Variants in HIVEP3 observed in about 807,000 individuals in gnomAD.
The protein encoded by HIVEP3 is HIVEP zinc finger 3, also known as transcription factor HIVEP3.
A neutral mutation model predicts 152.8 loss-of-function variants in HIVEP3; 49 were observed. The observed-to-expected ratio is 0.32, with a 90% confidence interval of 0.26 to 0.41. The LOEUF is 0.41. Ranked by LOEUF, HIVEP3 falls within the 10% of genes least tolerant of loss-of-function variation. The pLI is 1.00. For missense variants in HIVEP3, 2,790 were observed against 3,103.3 expected, an observed-to-expected ratio of 0.90 and a Z score of 2.40; for synonymous variants, 1,269 against 1,289.0, an observed-to-expected ratio of 0.98 and a Z score of 0.33.
intron 1 of HIVEP3, among the ~76,000 whole-genome samples, chr1:41,930,155 T>C (rs1008544077): frequency 6.6e-6 from 1 of 152,176 alleles, no homozygotes; most frequent in African/African-American, 2.4e-5. Flanking sequence ...ATTGATTTTG[T>C]TCTTAATTTG....
chr1:41,513,798 C>A, intron 7 of HIVEP3, 48 bp from the exon 8 acceptor site: 1 of 1,421,120 alleles, frequency 7.0e-7, no homozygotes, highest in Non-Finnish European at 9.4e-7. Flanking sequence ...GCCTTGGCCC[C>A]ACTGCCCACA....
chr1:41,748,488 G>C (rs765458711), intron 1 of HIVEP3, among the ~76,000 whole-genome samples: 1 of 152,184 alleles, frequency 6.6e-6, no homozygotes, highest in Non-Finnish European at 1.5e-5. Context: ...GCAATCAGGG[G>C]GCAGCGCTGT....
At chr1:41,716,337 C>G (rs6703365) in intron 1 of HIVEP3, among the ~76,000 whole-genome samples, 1 of 152,064 alleles carries the variant, frequency 6.6e-6, no homozygotes. Context: ...GTTTACAAGG[C>G]GTGGCCATGT....
intron 3 of HIVEP3, among the ~76,000 whole-genome samples, chr1:41,619,716 C>G (rs926009927): frequency 6.6e-6 from 1 of 152,100 alleles, no homozygotes; most frequent in Non-Finnish European, 1.5e-5. Flanking sequence ...AGAGCCAGGG[C>G]TCCAGGGAGG....
Position 41,728,874 on chromosome 1 carries a change from T to A in HIVEP3, c.-800-27879A>T, listed in dbSNP as rs897315908. 2.6e-5 allele frequency among the ~76,000 whole-genome samples: 4 copies of A among 151,404 alleles called. No individual in the cohort carries two copies. In the East Asian group the frequency reaches 5.8e-4, roughly 22 times the overall value. On this transcript the variant is annotated intron_variant, in intron 1 of 8. Transcript: ENST00000372583. ...GGCACAGGCTAGGGTCCCAGAGAGG[T>A]TTAGGAGGGGGTTTCTCTGCTGGGT...
chr1:41,919,589 A>G (rs187749425), upstream of HIVEP3, among the ~76,000 whole-genome samples: 24 of 152,334 alleles, frequency 1.6e-4, no homozygotes, highest in Non-Finnish European at 2.4e-4. Context: ...AGTCTTTACG[A>G]TTCAGACTTA....
At chr1:41,861,668 G>A (rs143222486) in intron 1 of HIVEP3, among the ~76,000 whole-genome samples, 13 of 152,332 alleles carry the variant, frequency 8.5e-5, no homozygotes, top group African/African-American at 3.1e-4. Flanking sequence ...TTTGTGCAAG[G>A]GAGGCAGAGA....
chr1:41,875,994 T>G (rs2786481), intron 1 of HIVEP3, among the ~76,000 whole-genome samples: 132,157 of 152,156 alleles, frequency 0.87, 57,717 homozygotes, highest in East Asian at 1. Context: ...GCTACTCTAG[T>G]CACATCTACA....
At chr1:41,739,586 C>G (rs574091074) in intron 1 of HIVEP3, among the ~76,000 whole-genome samples, 1 of 152,278 alleles carries the variant, frequency 6.6e-6, no homozygotes, top group Non-Finnish European at 1.5e-5. Flanking sequence ...GCCCCCACCC[C>G]CTCTGCCTCT....
At chr1:41,870,130 A>G (rs985203461) in intron 1 of HIVEP3, among the ~76,000 whole-genome samples, 2 of 152,034 alleles carry the variant, frequency 1.3e-5, no homozygotes, top group Admixed American at 6.6e-5. Flanking sequence ...TAGTGCCCCT[A>G]TGACTCCAAG....
chr1:41,963,144 T>G (rs1645178078), intron 1 of HIVEP3, among the ~76,000 whole-genome samples: 1 of 152,202 alleles, frequency 6.6e-6, no homozygotes, highest in South Asian at 2.1e-4. Flanking sequence ...CCCATGTAGC[T>G]GGGACTACAG....
chr1:41,905,097 G>C (rs1008238116), intron 1 of HIVEP3, among the ~76,000 whole-genome samples: 1 of 152,214 alleles, frequency 6.6e-6, no homozygotes, highest in African/African-American at 2.4e-5. Context: ...TAAGAGTGTA[G>C]GTGGGGCCTC....
intron 1 of HIVEP3, among the ~76,000 whole-genome samples, chr1:41,872,044 C>A (rs1644089989): frequency 1.3e-5 from 2 of 152,110 alleles, no homozygotes; most frequent in Admixed American, 1.3e-4. Flanking sequence ...ACCCAAGTAA[C>A]CACTACCCTA....
chr1:41,867,867 C>T (rs374391963), intron 1 of HIVEP3, among the ~76,000 whole-genome samples: 2 of 152,296 alleles, frequency 1.3e-5, no homozygotes, highest in East Asian at 1.9e-4. Flanking sequence ...CCCTCCAATG[C>T]TATCACCTAG....
chr1:41,538,142 A>G (rs542917129), intron 5 of HIVEP3, among the ~76,000 whole-genome samples: 3 of 152,194 alleles, frequency 2.0e-5, no homozygotes, highest in Non-Finnish European at 4.4e-5. Context: ...TGGCTTCTGC[A>G]GAAGAAACAC....
At chr1:41,712,746 G>A (rs374789989) in intron 1 of HIVEP3, among the ~76,000 whole-genome samples, 50 of 152,206 alleles carry the variant, frequency 3.3e-4, no homozygotes, top group African/African-American at 1.0e-3. Context: ...TGCATGGCCC[G>A]GCAGCCCCTC....
chr1:41,722,495 C>CCCCTT (rs570710250), intron 1 of HIVEP3, among the ~76,000 whole-genome samples: 4 of 136,364 alleles, frequency 2.9e-5, no homozygotes, highest in South Asian at 5.2e-4. Context: ...CCTCTCCCCT[C>CCCCTT]CCCTTCCCTT....
chr1:41,844,728 T>C (rs942240036), intron 1 of HIVEP3, among the ~76,000 whole-genome samples: 16 of 152,352 alleles, frequency 1.1e-4, no homozygotes, highest in Middle Eastern at 3.4e-3. Flanking sequence ...TGTTCCCCGC[T>C]TTTCCCCTTA....
intron 1 of HIVEP3, among the ~76,000 whole-genome samples, chr1:41,708,509 C>A (rs1646466999): frequency 6.6e-6 from 1 of 152,316 alleles, no homozygotes; most frequent in Non-Finnish European, 1.5e-5. Context: ...ACTCTGCGAG[C>A]TCATTCTTCC....
Sources: allele counts gnomAD v4.1 joint callset (sites outside exome capture counted in the v4.1 genomes callset), GRCh38; gene constraint gnomAD v4.1.1; transcripts MANE v1.5; gene names NCBI Gene and HGNC (gene_info 2026-07-23, HGNC 2026-07-21).